RAP1GAP2: variants seen among roughly 807,000 people sequenced by gnomAD.
The protein encoded by RAP1GAP2 is rap1 GTPase-activating protein 2.
Under a neutral mutation model 95.0 loss-of-function variants are expected in RAP1GAP2, and 27 were observed. That is an observed-to-expected ratio of 0.28 (90% CI 0.21 to 0.39). The LOEUF (loss-of-function observed/expected upper bound fraction) is 0.39. RAP1GAP2 is among the 10% of genes least tolerant of loss of function. RAP1GAP2 has a pLI of 1.00. For missense variants in RAP1GAP2, 771 were observed against 970.0 expected (o/e 0.79, Z 2.72); for synonymous variants, 373 against 380.9 (o/e 0.98, Z 0.24).
At chr17:2,757,358 G>A (rs1438862010) in intron 1 of RAP1GAP2, among the ~76,000 whole-genome samples, 6 of 152,184 alleles carry the variant, frequency 3.9e-5, no homozygotes, top group South Asian at 2.1e-4. Flanking sequence ...CTGGGCTCGA[G>A]CGATCTACCC....
At chr17:2,779,572 T>C (rs1252348540) in intron 1 of RAP1GAP2, among the ~76,000 whole-genome samples, 1 of 152,140 alleles carries the variant, frequency 6.6e-6, no homozygotes, top group African/African-American at 2.4e-5. Flanking sequence ...GATGTCCTGC[T>C]CCTGGGCTGG....
chr17:2,791,864 T>TC (rs1214901804), upstream of RAP1GAP2, among the ~76,000 whole-genome samples: 1 of 149,056 alleles, frequency 6.7e-6, no homozygotes, highest in African/African-American at 2.5e-5. Context: ...TCTCTTTTTT[T>TC]TTTTTTTTTT....
At chr17:2,790,733 C>T (rs1309894802) in intron 1 of RAP1GAP2, among the ~76,000 whole-genome samples, 1 of 152,230 alleles carries the variant, frequency 6.6e-6, no homozygotes, top group African/African-American at 2.4e-5. Flanking sequence ...CTTTCAGCTC[C>T]CACTGGTGGC....
chr17:2,892,044 G>C (rs140172790), intron 2 of RAP1GAP2, among the ~76,000 whole-genome samples: 1 of 151,792 alleles, frequency 6.6e-6, no homozygotes, highest in Non-Finnish European at 1.5e-5. Flanking sequence ...GGCTGGTCTC[G>C]GACTCCTGAC....
At chr17:2,770,911 C>G (rs1165921585) in intron 2 of RAP1GAP2, among the ~76,000 whole-genome samples, 1 of 152,102 alleles carries the variant, frequency 6.6e-6, no homozygotes, top group African/African-American at 2.4e-5. Flanking sequence ...CGTGGTGGCA[C>G]ATGCCTGTAA....
intron 3 of RAP1GAP2, among the ~76,000 whole-genome samples, chr17:2,918,513 G>A (rs964062826): frequency 1.1e-4 from 17 of 151,742 alleles, no homozygotes; most frequent in African/African-American, 3.9e-4. Flanking sequence ...GCTGACATCT[G>A]CTTGGCTGTT....
chr17:2,957,901 G>A (rs558087028), intron 4 of RAP1GAP2, 107 bp downstream of exon 4: 99 of 1,195,446 alleles, frequency 8.3e-5, no homozygotes, highest in African/African-American at 3.0e-4. Context: ...CTGGACGGGG[G>A]TGCAGAGAAG....
chr17:2,980,133 G>A lies in RAP1GAP2; in HGVS notation c.597-154G>A, dbSNP rs149790436. 1.2e-3 allele frequency among the ~76,000 whole-genome samples: 179 copies of A among 152,110 alleles called. 2 individuals carry two copies. Among genetic ancestry groups the A allele is most frequent in the South Asian group, 8.3e-3 (40 of 4,804 alleles). ...TTTTTTTGTATTTTTAGTAGAGACT[G>A]GGTTTCACCATGTTGGACAGGCTGG... On this transcript the variant is annotated intron_variant, in intron 8 of 24. Transcript: ENST00000254695.
At chr17:2,944,018 C>T (rs150723195) in intron 3 of RAP1GAP2, among the ~76,000 whole-genome samples, 1 of 151,874 alleles carries the variant, frequency 6.6e-6, no homozygotes, top group Non-Finnish European at 1.5e-5. Flanking sequence ...ATGGTGGTGT[C>T]CGCCCCTGTA....
intron 2 of RAP1GAP2, among the ~76,000 whole-genome samples, chr17:2,801,945 C>T (rs919624226): frequency 4.6e-5 from 7 of 152,128 alleles, no homozygotes; most frequent in Admixed American, 2.0e-4. Context: ...GTGTAGCCTG[C>T]GTCCAGCTGC....
chr17:2,869,185 C>A (rs2072740827), intron 2 of RAP1GAP2, among the ~76,000 whole-genome samples: 1 of 152,030 alleles, frequency 6.6e-6, no homozygotes, highest in Non-Finnish European at 1.5e-5. Flanking sequence ...TTAAGGGGTG[C>A]ACAAATATAG....
At chr17:2,756,363 C>G (rs954328629) in intron 1 of RAP1GAP2, among the ~76,000 whole-genome samples, 1 of 152,240 alleles carries the variant, frequency 6.6e-6, no homozygotes, top group African/African-American at 2.4e-5. Context: ...CCTCCGCAGT[C>G]CTGGCCCGCT....
intron 2 of RAP1GAP2, among the ~76,000 whole-genome samples, chr17:2,886,159 G>A (rs149092727): frequency 0.3 from 36,053 of 118,848 alleles, 5,307 homozygotes; most frequent in Admixed American, 0.4. Flanking sequence ...GTGTGTGTGT[G>A]TGTATATATA....
rs2044567393 is a variant in RAP1GAP2 at position 2,965,783 on chromosome 17, G to A, written c.596+140G>A. The A allele has an allele frequency of 4.6e-6, 3 of 654,860 alleles. No homozygotes were observed. The East Asian group carries it at 8.3e-5, about 18-fold the overall frequency. The allele number at this position is 654,860 out of a possible 1,614,324, so 40.6% of individuals were successfully genotyped here. A position where few individuals can be genotyped will look rare whatever the true frequency, so the allele number is the denominator to read the frequency against. ...ACTGGCTGACGGGGACAGGCCTGCT[G>A]GAATCCTGGGGCTGTGTCTGAAGTT... On this transcript the variant is annotated intron_variant, in intron 8 of 24. Transcript: ENST00000254695. The surrounding 1 kb of genome is among the most constrained non-coding windows in gnomAD (Gnocchi z 4.7).
intron 3 of RAP1GAP2, among the ~76,000 whole-genome samples, chr17:2,913,368 A>G (rs2042458041): frequency 6.6e-6 from 1 of 151,972 alleles, no homozygotes; most frequent in South Asian, 2.1e-4. Context: ...AGCTCACTGC[A>G]ACCCCTGCTT....
chr17:2,776,902 C>T (rs76564655), upstream of RAP1GAP2, among the ~76,000 whole-genome samples: 2,607 of 152,074 alleles, frequency 0.017, 66 homozygotes, highest in African/African-American at 0.058. Context: ...CTGAGGTGCC[C>T]TTCGCTCCGG....
chr17:2,931,235 C>T (rs2043140592), intron 3 of RAP1GAP2, among the ~76,000 whole-genome samples: 1 of 151,222 alleles, frequency 6.6e-6, no homozygotes, highest in Non-Finnish European at 1.5e-5. Flanking sequence ...GCTGATAAAC[C>T]TGGCTGAGGG....
At chr17:2,935,721 G>C (rs576810726) in intron 3 of RAP1GAP2, among the ~76,000 whole-genome samples, 10 of 152,266 alleles carry the variant, frequency 6.6e-5, no homozygotes, top group Admixed American at 2.6e-4. Context: ...CGGAAGTGCC[G>C]GAGGATGGGG....
At position 2,959,209 on chromosome 17, in the gene RAP1GAP2, C is replaced by A. The variant is rs138868281; in HGVS notation, c.201+1415C>A. On this transcript the variant is annotated intron_variant, in intron 4 of 24. Coordinates refer to ENST00000254695, the MANE Select transcript of RAP1GAP2 (RefSeq NM_015085.5). Reference sequence around the variant, plus strand: ...TCCCCCAGCTGGAGTCCCCTTCCCACAACTTTGCCCCACACAGGGTCTCTC... The same window carrying A: ...TCCCCCAGCTGGAGTCCCCTTCCCAAAACTTTGCCCCACACAGGGTCTCTC... Among the ~76,000 whole-genome samples, 540 of 152,270 alleles carry A rather than the reference C, an allele frequency of 3.5e-3. 6 individuals carry two copies. The highest frequency in any genetic ancestry group is 0.012 in the African/African-American group (502 of 41,546).
Sources: allele counts gnomAD v4.1 joint callset (sites outside exome capture counted in the v4.1 genomes callset), GRCh38; gene constraint gnomAD v4.1.1; non-coding constraint Gnocchi (gnomAD v3.1); transcripts MANE v1.5; gene names NCBI Gene and HGNC (gene_info 2026-07-23, HGNC 2026-07-21).